Variants in MUC5AC observed in about 807,000 individuals in gnomAD.
MUC5AC encodes the protein mucin-5AC.
A neutral mutation model predicts 169.7 loss-of-function variants in MUC5AC; 158 were observed. The ratio of observed to expected loss-of-function variants is 0.93; its 90% CI spans 0.82 to 1.06. The LOEUF (loss-of-function observed/expected upper bound fraction) is 1.06. Among genes scored for constraint, MUC5AC ranks in the 50% least tolerant of loss-of-function variants. MUC5AC has a pLI of 0.00. For missense variants in MUC5AC, 4,359 were observed against 3,089.9 expected (o/e 1.41, Z -9.74); for synonymous variants, 1,975 against 1,237.0 (o/e 1.60, Z -12.52).
At chr11:1,195,729 TC>T in intron 36 of MUC5AC, 146 bp from the exon 37 acceptor site, 1 of 312,958 alleles carries the variant, frequency 3.2e-6, no homozygotes, top group Admixed American at 4.4e-5. Flanking sequence ...AAGGAGCCCG[TC>T]CGGGGATACA....
At chr11:1,198,639 A>AC in intron 43 of MUC5AC, among the ~76,000 whole-genome samples, 1 of 152,120 alleles carries the variant, frequency 6.6e-6, no homozygotes, top group East Asian at 1.9e-4. Flanking sequence ...CTTGTTGGGC[A>AC]CCCCATCCAA....
chr11:1,168,230 G>T (rs1426537234), intron 12 of MUC5AC, among the ~76,000 whole-genome samples: 1 of 152,192 alleles, frequency 6.6e-6, no homozygotes, highest in African/African-American at 2.4e-5. Flanking sequence ...GGGACTGGGC[G>T]CACCTGCGGC....
Position 1,174,597 on chromosome 11 carries a change from C to G in MUC5AC, c.2067C>G (p.Leu689=), listed in dbSNP as rs1329391427. ...CCTGTGCCGCCAAGGGCGTGCAGCT[C>G]GGCGGCTGGAGGGACGGCGTCTGCA... ...VHACAAKGVQ[L]GGWRDGVCTK... Residue 689 remains leucine, a synonymous_variant, in exon 17 of 49, where the codon CTC becomes CTG. Transcript: ENST00000621226. 1.4e-6 allele frequency: 2 copies of G among 1,404,836 alleles called. No individual in the cohort carries two copies. Among genetic ancestry groups the G allele is most frequent in the Non-Finnish European group, 1.9e-6 (2 of 1,025,928 alleles). The allele number at this position is 1,404,836 out of a possible 1,614,324, so 87.0% of individuals were successfully genotyped here.
chr11:1,164,741 A>G (rs28650394), intron 9 of MUC5AC, among the ~76,000 whole-genome samples: 70,322 of 134,328 alleles, frequency 0.52, 18,637 homozygotes, highest in African/African-American at 0.74. Context: ...CTGGGCCCCT[A>G]AGGCTGGTTG....
chr11:1,194,326 C>T lies in MUC5AC; in HGVS notation c.14972C>T (p.Thr4991Ile), dbSNP rs576128591. The T allele has an allele frequency of 1.6e-4, 118 of 734,492 alleles. No homozygotes were observed. The African/African-American group carries it at 1.7e-3, about 11-fold the overall frequency. The allele number at this position is 734,492 out of a possible 1,614,324, so 45.5% of individuals were successfully genotyped here. A position where few individuals can be genotyped will look rare whatever the true frequency, so the allele number is the denominator to read the frequency against. Residue 4991 changes from threonine to isoleucine, a missense_variant, in exon 34 of 49, where the codon ACC becomes ATC. Coordinates refer to ENST00000621226, the MANE Select transcript of MUC5AC (RefSeq NM_001304359.2). ...LEYHQDRVVL[T>I]RKPVHGVMTN... The stretch of plus-strand genomic sequence containing the variant: ...TACCACCAGGACCGCGTGGTGCTGA[C>T]CCGCAAGCCAGTCCACGGGGTGATG...
rs1860952851 is a variant in MUC5AC, at chr11:1,186,604, C to T, written c.8459C>T (p.Thr2820Ile). The change falls in exon 31 of 49, where the codon ACA becomes ATA. Residue 2820 changes from threonine (T) to isoleucine (I), a missense_variant. Coordinates refer to ENST00000621226, the MANE Select transcript of MUC5AC (RefSeq NM_001304359.2). ...ACAACTTCCACACCACAGACCAGCA[C>T]AACTTCGGCTCCTACAACCAGCACA... ...SSTTSTPQTS[T>I]TSAPTTSTTS... The T allele has an allele frequency of 1.4e-6, 1 of 714,668 alleles. No homozygotes were observed. Among genetic ancestry groups the T allele is most frequent in the Non-Finnish European group, 2.6e-6 (1 of 391,928 alleles). The allele number at this position is 714,668 out of a possible 1,614,324, so 44.3% of individuals were successfully genotyped here.
chr11:1,200,506 G>A lies in MUC5AC; in HGVS notation c.16769G>A (p.Arg5590Lys), dbSNP rs764666168. ...TGCCAGGAGCTGCGGACCTCGCTGAGGAATGTGACCCTGCACTGCACCGAC... is the reference window on the plus strand; with the variant it reads ...TGCCAGGAGCTGCGGACCTCGCTGAAGAATGTGACCCTGCACTGCACCGAC... ...QCCQELRTSL[R>K]NVTLHCTDGS... The change falls in exon 49 of 49, where the codon AGG (arginine) becomes AAG (lysine). Residue 5590 changes from arginine to lysine, a missense_variant. By Grantham distance (26) the Arg-to-Lys change is conservative. Coordinates refer to ENST00000621226, the MANE Select transcript of MUC5AC (RefSeq NM_001304359.2). 1.3e-6 allele frequency: 1 copy of A among 754,724 alleles called. No individual in the cohort carries two copies. The highest frequency in any genetic ancestry group is 1.4e-5 in the South Asian group (1 of 73,130). The allele number at this position is 754,724 out of a possible 1,614,324, so 46.8% of individuals were successfully genotyped here. A position where few individuals can be genotyped will look rare whatever the true frequency, so the allele number is the denominator to read the frequency against.
chr11:1,200,385 G>C (rs558192500), intron 48 of MUC5AC, 53 bp from the exon 49 acceptor site: 1 of 638,382 alleles, frequency 1.6e-6, no homozygotes, highest in Non-Finnish European at 2.9e-6. Flanking sequence ...GCCGGCTTAC[G>C]GCAGGAGGCT....
intron 5 of MUC5AC, 118 bp downstream of exon 5, chr11:1,162,764 C>A: frequency 9.5e-7 from 1 of 1,054,914 alleles, no homozygotes; most frequent in Non-Finnish European, 1.4e-6. Flanking sequence ...TCAGACTCCA[C>A]CCCACACAGC....
At position 1,184,821 on chromosome 11, in the gene MUC5AC, C is replaced by T; in HGVS notation, c.6676C>T (p.Pro2226Ser). 6.2e-6 allele frequency: 4 copies of T among 646,426 alleles called. No homozygotes were observed. Among genetic ancestry groups the T allele is most frequent in the South Asian group, 1.8e-5 (1 of 56,494 alleles). 40.0% of individuals were successfully genotyped at this position (646,426 alleles called of 1,614,324 possible). A position where few individuals can be genotyped will look rare whatever the true frequency, so the allele number is the denominator to read the frequency against. ...CAAAGGCTGCCCCGTGACCTCCACA[C>T]CTGTGACAGCTCCTAGCACCCCTAG... The part of the protein sequence containing the change: ...TPKGCPVTST[P>S]VTAPSTPSGR... Residue 2226 changes from proline to serine, a missense_variant, in exon 31 of 49, where the codon CCT becomes TCT. Pro to Ser is a moderately conservative substitution (Grantham distance 74). Coordinates refer to ENST00000621226, the MANE Select transcript of MUC5AC (RefSeq NM_001304359.2).
At chr11:1,160,392 G>T (rs1469569273) in intron 1 of MUC5AC, among the ~76,000 whole-genome samples, 1 of 152,064 alleles carries the variant, frequency 6.6e-6, no homozygotes, top group African/African-American at 2.4e-5. Context: ...GGGCCAGGCT[G>T]AGGAGATGCT....
At position 1,163,997 on chromosome 11, in the gene MUC5AC, C is replaced by A. The variant is rs760021717; in HGVS notation, c.789+6C>A. The A allele has an allele frequency of 1.9e-6, 3 of 1,609,854 alleles. No individual in the cohort carries two copies. The highest frequency in any genetic ancestry group is 2.2e-5 in the East Asian group (1 of 44,790). On this transcript the variant is annotated splice_donor_region_variant and intron_variant, in intron 7 of 48. Transcript: ENST00000621226. ...GGAACTGCTCCACTGGCTTTGTAAG[C>A]CTTGGAGGGAACAGAGGGCCCAGCA...
rs1389037832 is a variant in MUC5AC, at chr11:1,190,208, C to A, written c.12063C>A (p.Cys4021Ter). The A allele has an allele frequency of 1.3e-6, 1 of 759,954 alleles. No individual in the cohort carries two copies. Among genetic ancestry groups the A allele is most frequent in the Non-Finnish European group, 2.4e-6 (1 of 415,312 alleles). The allele number at this position is 759,954 out of a possible 1,614,324, so 47.1% of individuals were successfully genotyped here. The change falls in exon 31 of 49, where the codon TGC (cysteine) becomes TGA (stop). Residue 4021 changes from cysteine to a stop codon, truncating the protein, a stop_gained. Coordinates refer to ENST00000621226, the MANE Select transcript of MUC5AC (RefSeq NM_001304359.2). LOFTEE classifies it high-confidence loss of function. ...SIEHLGQVVQ[C>*]SREEGLVCRN... ...AACACCTGGGCCAGGTGGTGCAGTGCAGCCGGGAAGAGGGCCTGGTGTGCC... is the reference window on the plus strand; with the variant it reads ...AACACCTGGGCCAGGTGGTGCAGTGAAGCCGGGAAGAGGGCCTGGTGTGCC...
chr11:1,200,581 T>A lies in MUC5AC; in HGVS notation c.16844T>A (p.Met5615Lys). ...ACCGAGGTGGAAGAGTGCGGCTGCA[T>A]GGGCCGGCGGTGCCCTGCGCCGGGC... Reference protein sequence around the residue: ...SYTEVEECGCMGRRCPAPGDT... With the variant: ...SYTEVEECGCKGRRCPAPGDT... Residue 5615 changes from methionine to lysine, a missense_variant, in exon 49 of 49, where the codon ATG (methionine) becomes AAG (lysine). By Grantham distance (95) the Met-to-Lys change is moderately conservative (BLOSUM62 -1). Coordinates refer to ENST00000621226, the MANE Select transcript of MUC5AC (RefSeq NM_001304359.2). 1 of 764,554 alleles carries A rather than the reference T, an allele frequency of 1.3e-6. No homozygotes were observed. The highest frequency in any genetic ancestry group is 2.4e-6 in the Non-Finnish European group (1 of 417,598). The allele number at this position is 764,554 out of a possible 1,614,324, so 47.4% of individuals were successfully genotyped here.
At position 1,189,541 on chromosome 11, in the gene MUC5AC, C is replaced by T. The variant is rs1319808703; in HGVS notation, c.11396C>T (p.Thr3799Ile). 5 of 599,746 alleles carry T rather than the reference C, an allele frequency of 8.3e-6. No individual in the cohort carries two copies. Among genetic ancestry groups the T allele is most frequent in the Non-Finnish European group, 1.5e-5 (5 of 336,606 alleles). The allele number at this position is 599,746 out of a possible 1,614,324, so 37.2% of individuals were successfully genotyped here. A position where few individuals can be genotyped will look rare whatever the true frequency, so the allele number is the denominator to read the frequency against. ...ACAATCTCTGCCCCTACAACCAGCA[C>T]AACCTCCACTCCACAGACCAGCACA... ...TSTISAPTTS[T>I]TSTPQTSTIS... The change falls in exon 31 of 49, where the codon ACA becomes ATA. Residue 3799 changes from threonine (T) to isoleucine (I), a missense_variant. Coordinates refer to ENST00000621226, the MANE Select transcript of MUC5AC (RefSeq NM_001304359.2).
At position 1,199,927 on chromosome 11, in the gene MUC5AC, G is replaced by A. The variant is rs374285103; in HGVS notation, c.16658G>A (p.Arg5553His). 727 of 764,346 alleles carry A rather than the reference G, an allele frequency of 9.5e-4. No individual in the cohort carries two copies. The highest frequency in any genetic ancestry group is 1.4e-3 in the Non-Finnish European group (590 of 417,572). The allele number at this position is 764,346 out of a possible 1,614,324, so 47.3% of individuals were successfully genotyped here. A position where few individuals can be genotyped will look rare whatever the true frequency, so the allele number is the denominator to read the frequency against. Residue 5553 changes from arginine (R) to histidine (H), a missense_variant, in exon 48 of 49, where the codon CGC (arginine) becomes CAC (histidine). Arg to His is a conservative substitution (Grantham distance 29). Coordinates refer to ENST00000621226, the MANE Select transcript of MUC5AC (RefSeq NM_001304359.2). The stretch of plus-strand genomic sequence containing the variant: ...GGCTGCAGCTCCTCGGAGCCCGTGC[G>A]CCTGGCTTACTGCCGGGGGAACTGT... ...QQGCSSSEPVRLAYCRGNCGD... is the reference protein window; with the variant it reads ...QQGCSSSEPVHLAYCRGNCGD...
At chr11:1,174,680 T>C (rs1590140460) in intron 17 of MUC5AC, 58 bp downstream of exon 17, 1 of 703,342 alleles carries the variant, frequency 1.4e-6, no homozygotes, top group Non-Finnish European at 2.3e-6. Context: ...GGTCTTGGGG[T>C]GCCCCCAGTG....
intron 19 of MUC5AC, among the ~76,000 whole-genome samples, chr11:1,175,545 T>G: frequency 7.5e-6 from 1 of 134,120 alleles, no homozygotes; most frequent in South Asian, 2.5e-4. Context: ...ACACACCCAT[T>G]CATGCACACA....
intron 15 of MUC5AC, among the ~76,000 whole-genome samples, chr11:1,171,701 CCACTCACT>C (rs1391850461): frequency 2.5e-4 from 31 of 124,138 alleles, no homozygotes; most frequent in Non-Finnish European, 1.4e-4. Flanking sequence ...ACCCACTCAC[CCACTCACT>C]CACCCACTCA....
Sources: gnomAD v4.1 joint callset for allele counts (sites outside exome capture counted in the v4.1 genomes callset) on GRCh38, gnomAD v4.1.1 for gene constraint, MANE v1.5 for transcripts, NCBI Gene and HGNC (gene_info 2026-07-23, HGNC 2026-07-21) for gene names.